Variants in CPAMD8 observed in about 807,000 individuals in gnomAD.
CPAMD8 encodes C3 and PZP like alpha-2-macroglobulin domain containing 8.
In CPAMD8, 146 loss-of-function variants were observed where a neutral mutation model predicts 224.7. That is an observed-to-expected ratio of 0.65 (90% CI 0.57 to 0.75). CPAMD8 has a LOEUF of 0.75. Ranked by LOEUF, CPAMD8 falls within the 30% of genes least tolerant of loss-of-function variation. CPAMD8 has a pLI of 0.00. For missense variants in CPAMD8, 2,301 were observed against 2,537.5 expected, an observed-to-expected ratio of 0.91 and a Z score of 2.00; for synonymous variants, 966 against 1,044.6, an observed-to-expected ratio of 0.92 and a Z score of 1.45.
Position 16,975,992 on chromosome 19 carries a change from G to C in CPAMD8, c.1908+10C>G. On this transcript the variant is annotated intron_variant, in intron 16 of 41. Transcript: ENST00000443236. ...GAGGTCTAGAACCCAAGCCCGAGGG[G>C]TCTGCTCACCTGGGCAGGAGTCAGC... The C allele has an allele frequency of 3.8e-6, 6 of 1,578,250 alleles. No individual in the cohort carries two copies. Among genetic ancestry groups the C allele is most frequent in the Non-Finnish European group, 5.2e-6 (6 of 1,161,026 alleles).
At chr19:16,990,824 T>C (rs1017540990) in intron 12 of CPAMD8, among the ~76,000 whole-genome samples, 1 of 137,366 alleles carries the variant, frequency 7.3e-6, no homozygotes, top group Non-Finnish European at 1.5e-5. Flanking sequence ...AATCACGCCA[T>C]TGCATTCCAG....
intron 18 of CPAMD8, among the ~76,000 whole-genome samples, chr19:16,961,789 C>T (rs952739996): frequency 1.1e-4 from 17 of 152,188 alleles, no homozygotes; most frequent in South Asian, 2.1e-4. Context: ...CTCATATAGG[C>T]GGGTACCCCT....
rs375684051 is a variant in CPAMD8, at chr19:16,993,624, G to A, written c.1096-38C>T. The A allele has an allele frequency of 7.2e-4, 1,152 of 1,593,856 alleles. 16 individuals carry two copies. The South Asian group carries it at 9.8e-3, about 14-fold the overall frequency. ...ACCCAAGACACAACAGAGTTAAGAC[G>A]GCCATGCTCCCCAAACTGATCTGCA... On this transcript the variant is annotated intron_variant, in intron 11 of 41. Coordinates refer to ENST00000443236, the MANE Select transcript of CPAMD8 (RefSeq NM_015692.5).
At chr19:16,981,116 G>T (rs558966542) in intron 13 of CPAMD8, among the ~76,000 whole-genome samples, 2 of 150,340 alleles carry the variant, frequency 1.3e-5, no homozygotes, top group East Asian at 3.9e-4. Flanking sequence ...ACTTTGGGGG[G>T]CTGAAGCGGA....
At position 16,928,180 on chromosome 19, in the gene CPAMD8, G is replaced by A; in HGVS notation, c.3199C>T (p.Pro1067Ser). The stretch of plus-strand genomic sequence containing the variant: ...ATGAACTGGACCTCTGGTGGCCTCG[G>A]GAGGGTCCAGGCCACAATGACAGAC... ...NESVIVAWTL[P>S]RPPEVQFIGF... Residue 1067 changes from proline to serine, a missense_variant, in exon 25 of 42, where the codon CCG (proline) becomes TCG (serine). Pro to Ser is a moderately conservative substitution (Grantham distance 74). Around this residue, in one of 4 missense-constraint regions of CPAMD8, gnomAD observed 1,709 missense variants for 1,753.2 expected, o/e 0.97. Transcript: ENST00000443236. 2 of 1,614,128 alleles carry A rather than the reference G, an allele frequency of 1.2e-6. No homozygotes were observed. The highest frequency in any genetic ancestry group is 1.7e-6 in the Non-Finnish European group (2 of 1,180,040).
chr19:17,003,982 C>G (rs1001452543), intron 8 of CPAMD8, among the ~76,000 whole-genome samples: 2 of 151,678 alleles, frequency 1.3e-5, no homozygotes, highest in African/African-American at 2.4e-5. Flanking sequence ...TCTTGGCTCA[C>G]TGCAACCTCT....
chr19:16,956,348 A>G (rs1345979371), intron 19 of CPAMD8, among the ~76,000 whole-genome samples: 1 of 151,886 alleles, frequency 6.6e-6, no homozygotes, highest in African/African-American at 2.4e-5. Flanking sequence ...TACATTGAGG[A>G]CCCTCTCTGG....
In CPAMD8 at chr19:16,951,954, T is replaced by TG. The variant is rs763688097; in HGVS notation, c.2508+14dup. The stretch of plus-strand genomic sequence containing the variant: ...ACTGAATGGAGGAAGGCTATGTATT[T>TG]GGGGGGCTGAGTACCTCAGCGCAGG... On this transcript the variant is annotated intron_variant, in intron 20 of 41. Transcript: ENST00000443236. The TG allele has an allele frequency of 2.0e-6, 3 of 1,481,978 alleles. No individual in the cohort carries two copies. Among genetic ancestry groups the TG allele is most frequent in the South Asian group, 1.2e-5 (1 of 82,662 alleles). 91.8% of individuals were successfully genotyped at this position (1,481,978 alleles called of 1,614,324 possible). A position where few individuals can be genotyped will look rare whatever the true frequency, so the allele number is the denominator to read the frequency against.
intron 22 of CPAMD8, among the ~76,000 whole-genome samples, chr19:16,942,143 C>T (rs1187423686): frequency 1.3e-5 from 2 of 151,978 alleles, no homozygotes; most frequent in Non-Finnish European, 2.9e-5. Flanking sequence ...AGCTGTGAGC[C>T]AATTAAACCT....
chr19:16,905,949 G>T (rs2052458597), intron 30 of CPAMD8, among the ~76,000 whole-genome samples: 1 of 152,124 alleles, frequency 6.6e-6, no homozygotes, highest in East Asian at 1.9e-4. Context: ...GGCTCACTCA[G>T]CAAGTGGAGG....
intron 15 of CPAMD8, among the ~76,000 whole-genome samples, chr19:16,976,646 C>T (rs1176866516): frequency 6.6e-6 from 1 of 151,952 alleles, no homozygotes; most frequent in Non-Finnish European, 1.5e-5. Flanking sequence ...CTGTGAAGGG[C>T]AGCTGGTCAT....
chr19:16,980,336 C>G (rs1431386494), intron 14 of CPAMD8, among the ~76,000 whole-genome samples, 161 bp downstream of exon 14: 1 of 152,130 alleles, frequency 6.6e-6, no homozygotes, highest in Non-Finnish European at 1.5e-5. Context: ...TCACTGTCTT[C>G]CTGGACCCAG....
intron 32 of CPAMD8, 133 bp downstream of exon 32, chr19:16,904,093 C>A (rs942533470): frequency 9.1e-7 from 1 of 1,095,768 alleles, no homozygotes; most frequent in Non-Finnish European, 1.3e-6. Context: ...TCACCCCCAA[C>A]CCCTGCCCTC....
chr19:16,911,644 C>CA (rs1282359703), intron 29 of CPAMD8, among the ~76,000 whole-genome samples: 1 of 152,198 alleles, frequency 6.6e-6, no homozygotes, highest in East Asian at 1.9e-4. Context: ...CTCCCAGGTT[C>CA]ACGCCATTCT....
At chr19:16,905,431 A>T (rs1015446304) in intron 30 of CPAMD8, among the ~76,000 whole-genome samples, 3 of 150,886 alleles carry the variant, frequency 2.0e-5, no homozygotes, top group Non-Finnish European at 4.4e-5. Context: ...AATACAAAAA[A>T]TTAGCTGGGC....
At chr19:16,919,089 G>A (rs1223865484) in intron 27 of CPAMD8, among the ~76,000 whole-genome samples, 1 of 151,994 alleles carries the variant, frequency 6.6e-6, no homozygotes, top group Non-Finnish European at 1.5e-5. Context: ...TATAGTCCCA[G>A]CTACTCAGGA....
chr19:16,999,533 C>T lies in CPAMD8; in HGVS notation c.867+881G>A, dbSNP rs538255586. ...CCAGGAGGCGGAGCTTGCAGTGAGCCGAGATCACGCCATTGCACTCCAGCC... is the reference window on the plus strand; with the variant it reads ...CCAGGAGGCGGAGCTTGCAGTGAGCTGAGATCACGCCATTGCACTCCAGCC... On this transcript the variant is annotated intron_variant, in intron 10 of 41. Coordinates refer to ENST00000443236, the MANE Select transcript of CPAMD8 (RefSeq NM_015692.5). 2.9e-3 allele frequency among the ~76,000 whole-genome samples: 429 copies of T among 148,386 alleles called. 2 individuals carry two copies. The highest frequency in any genetic ancestry group is 6.9e-3 in the African/African-American group (279 of 40,344).
intron 29 of CPAMD8, among the ~76,000 whole-genome samples, chr19:16,909,880 C>G (rs1007374339): frequency 6.6e-6 from 1 of 152,174 alleles, no homozygotes; most frequent in South Asian, 2.1e-4. Flanking sequence ...TTAAAACAAT[C>G]TCATACTGTC....
At position 17,004,342 on chromosome 19, in the gene CPAMD8, C is replaced by A; in HGVS notation, c.604G>T (p.Gly202Ter). 2 of 1,613,770 alleles carry A rather than the reference C, an allele frequency of 1.2e-6. No individual in the cohort carries two copies. The highest frequency in any genetic ancestry group is 1.7e-6 in the Non-Finnish European group (2 of 1,179,722). Residue 202 changes from glycine to a stop codon, truncating the protein, a stop_gained, in exon 8 of 42, where the codon GGA (glycine) becomes TGA (stop). Coordinates refer to ENST00000443236, the MANE Select transcript of CPAMD8 (RefSeq NM_015692.5). LOFTEE classifies it high-confidence loss of function. Reference protein sequence around the residue: ...SFPLSDQPVLGEWFIFVEMQG... With the variant: ...SFPLSDQPVL ...ATTTCAACAAAAATGAACCATTCTCCCAACACAGGCTGGTCGGACAAGGGG... is the reference window on the plus strand; with the variant it reads ...ATTTCAACAAAAATGAACCATTCTCACAACACAGGCTGGTCGGACAAGGGG...
Sources: allele counts gnomAD v4.1 joint callset (sites outside exome capture counted in the v4.1 genomes callset), GRCh38; gene constraint gnomAD v4.1.1; regional missense constraint gnomAD v4.1.1; transcripts MANE v1.5; gene names NCBI Gene and HGNC (gene_info 2026-07-23, HGNC 2026-07-21).